RYR3: variants seen among roughly 807,000 people sequenced by gnomAD.
RYR3 encodes the protein brain ryanodine receptor-calcium release channel.
Under a neutral mutation model 584.3 loss-of-function variants are expected in RYR3, and 207 were observed. The ratio of observed to expected loss-of-function variants is 0.35; its 90% confidence interval spans 0.32 to 0.40. The LOEUF is 0.40. Among genes scored for constraint, RYR3 ranks in the 10% least tolerant of loss-of-function variants. RYR3 has a pLI of 1.00. For synonymous variants in RYR3, 2,416 were observed against 2,248.5 expected (o/e 1.07, Z -2.11); for missense variants, 5,616 against 6,089.2 (o/e 0.92, Z 2.59).
intron 1 of RYR3, among the ~76,000 whole-genome samples, chr15:33,362,912 T>A (rs964780049): frequency 6.6e-6 from 1 of 152,190 alleles, no homozygotes; most frequent in African/African-American, 2.4e-5. Context: ...TTATAACACC[T>A]GACACGTTGT....
intron 45 of RYR3, among the ~76,000 whole-genome samples, chr15:33,725,650 C>T (rs1437222864): frequency 1.3e-5 from 2 of 151,938 alleles, no homozygotes; most frequent in Non-Finnish European, 2.9e-5. Flanking sequence ...AATTCATAAG[C>T]CATTTCTATG....
intron 38 of RYR3, among the ~76,000 whole-genome samples, chr15:33,693,506 G>A (rs1025619489): frequency 6.6e-6 from 1 of 152,266 alleles, no homozygotes; most frequent in African/African-American, 2.4e-5. Context: ...AATTAAGGAG[G>A]AAAGGGAAAT....
Position 33,452,024 on chromosome 15 carries a change from G to A in RYR3, c.52-21395G>A, listed in dbSNP as rs77727494. Among the ~76,000 whole-genome samples the A allele has an allele frequency of 3.4e-3, 513 of 152,298 alleles. 2 individuals are homozygous for A. Among genetic ancestry groups the A allele is most frequent in the African/African-American group, 0.012 (495 of 41,548 alleles). ...GGCACTGAAGTCTGGTTGAAGGCCC[G>A]GAAAGGGCCTCCATGCTCCAACAAC... On this transcript the variant is annotated intron_variant, in intron 1 of 103. Coordinates refer to ENST00000634891, the MANE Select transcript of RYR3 (RefSeq NM_001036.6).
At chr15:33,628,606 G>T (rs1198582565) in intron 21 of RYR3, 31 bp downstream of exon 21, 1 of 1,386,268 alleles carries the variant, frequency 7.2e-7, no homozygotes, top group Admixed American at 1.7e-5. Context: ...TTAGGGTGGA[G>T]GGTGGGATTG....
intron 51 of RYR3, 143 bp downstream of exon 51, chr15:33,740,138 C>A: frequency 1.4e-6 from 1 of 695,538 alleles, no homozygotes; most frequent in Non-Finnish European, 2.4e-6. Flanking sequence ...TGTCAAGTCC[C>A]ATCAGGCACA....
intron 1 of RYR3, among the ~76,000 whole-genome samples, chr15:33,428,620 A>T (rs1284919227): frequency 2.0e-5 from 3 of 152,176 alleles, no homozygotes; most frequent in Non-Finnish European, 2.9e-5. Flanking sequence ...CTCCAAGAGG[A>T]AGATGAGCAA....
chr15:33,577,218 A>G (rs554984970), intron 12 of RYR3, among the ~76,000 whole-genome samples: 59 of 152,334 alleles, frequency 3.9e-4, no homozygotes, highest in Middle Eastern at 3.4e-3. Context: ...ATTCAATGCT[A>G]TTCCCATTAA....
intron 1 of RYR3, among the ~76,000 whole-genome samples, chr15:33,372,566 C>T (rs1182389521): frequency 1.3e-5 from 2 of 151,974 alleles, no homozygotes; most frequent in Admixed American, 6.5e-5. Flanking sequence ...GAGGATTCAC[C>T]GTGTTAGCCA....
chr15:33,826,674 G>C lies in RYR3; in HGVS notation c.11167G>C (p.Glu3723Gln). 6.2e-7 allele frequency: 1 copy of C among 1,613,688 alleles called. No homozygotes were observed. The highest frequency in any genetic ancestry group is 1.1e-5 in the South Asian group (1 of 91,074). Residue 3723 changes from glutamate (E) to glutamine (Q), a missense_variant and splice_region_variant, in exon 84 of 104, where the codon GAA (glutamate) becomes CAA (glutamine). This residue lies in a region of RYR3 where 954 missense variants were observed against 1,132.2 expected (regional missense o/e 0.84). Coordinates refer to ENST00000634891, the MANE Select transcript of RYR3 (RefSeq NM_001036.6). Reference sequence around the variant, plus strand: ...CATCAACGTTCTGTGTTTTCAAGGTGAAAAAGTACTCCAGAATGACGAGTT... The same window carrying C: ...CATCAACGTTCTGTGTTTTCAAGGTCAAAAAGTACTCCAGAATGACGAGTT... ...EGTLIVRERG[E>Q]KVLQNDEFTR... is the part of the protein sequence containing the mutation.
intron 31 of RYR3, among the ~76,000 whole-genome samples, chr15:33,650,922 T>G (rs2062428461): frequency 6.6e-6 from 1 of 152,244 alleles, no homozygotes; most frequent in African/African-American, 2.4e-5. Context: ...ATAAGCAACA[T>G]CTGGTTTAGA....
chr15:33,748,294 C>G, intron 54 of RYR3, 34 bp downstream of exon 54: 1 of 1,607,400 alleles, frequency 6.2e-7, no homozygotes, highest in South Asian at 1.1e-5. Context: ...CACGCTGGGC[C>G]GATGGAAGCC....
At chr15:33,450,355 G>A (rs1449338961) in intron 1 of RYR3, among the ~76,000 whole-genome samples, 1 of 152,154 alleles carries the variant, frequency 6.6e-6, no homozygotes, top group Non-Finnish European at 1.5e-5. Context: ...TCTAAGGCTA[G>A]AAGGCAGAGA....
intron 38 of RYR3, among the ~76,000 whole-genome samples, chr15:33,682,811 C>G (rs971789625): frequency 6.6e-6 from 1 of 152,162 alleles, no homozygotes; most frequent in Non-Finnish European, 1.5e-5. Context: ...CCTAGAGATG[C>G]AACAAGGTCT....
intron 67 of RYR3, among the ~76,000 whole-genome samples, chr15:33,794,305 ATTTT>A (rs1567185370): frequency 3.0e-5 from 3 of 100,316 alleles, no homozygotes; most frequent in East Asian, 4.6e-4. Context: ...TTATATATAT[ATTTT>A]TATATATATA....
intron 6 of RYR3, among the ~76,000 whole-genome samples, chr15:33,539,800 A>G (rs1047640537): frequency 6.6e-6 from 1 of 152,188 alleles, no homozygotes; most frequent in African/African-American, 2.4e-5. Context: ...GACAGAAAAA[A>G]TGTTAAGGAA....
intron 57 of RYR3, among the ~76,000 whole-genome samples, chr15:33,751,504 C>T (rs182918693): frequency 0.034 from 5,230 of 151,768 alleles, 281 homozygotes; most frequent in African/African-American, 0.12. Context: ...AGCTTTTTTT[C>T]GTATGCCAGT....
At position 33,673,437 on chromosome 15, in the gene RYR3, G is replaced by A. The variant is rs538509653; in HGVS notation, c.5860+2881G>A. Reference sequence around the variant, plus strand: ...GCCTAAATTAACTCCAAGCCATATTGTTAATGAAAGCTGTTACAATATTAT... The same window carrying A: ...GCCTAAATTAACTCCAAGCCATATTATTAATGAAAGCTGTTACAATATTAT... On this transcript the variant is annotated intron_variant, in intron 38 of 103. Transcript: ENST00000634891. Among the ~76,000 whole-genome samples, 3 of 152,320 alleles carry A rather than the reference G, an allele frequency of 2.0e-5. No individual in the cohort carries two copies. The East Asian group carries it at 5.8e-4, about 29-fold the overall frequency.
At position 33,865,304 on chromosome 15, in the gene RYR3, C is replaced by CATATCTGAAAT; in HGVS notation, c.*79_*89dup. On this transcript the variant is annotated 3_prime_UTR_variant, in exon 104 of 104. Transcript: ENST00000634891. ...AAGTCCCCTTTTTACAGTTCTGCAA[C>CATATCTGAAAT]ATATCTGAAATGTGACATTTTCTAA... 1 of 955,238 alleles carries CATATCTGAAAT rather than the reference C, an allele frequency of 1.0e-6. No individual in the cohort carries two copies. 59.2% of individuals were successfully genotyped at this position (955,238 alleles called of 1,614,324 possible). A position where few individuals can be genotyped will look rare whatever the true frequency, so the allele number is the denominator to read the frequency against.
intron 1 of RYR3, among the ~76,000 whole-genome samples, chr15:33,465,571 T>C (rs1319251659): frequency 6.6e-6 from 1 of 152,104 alleles, no homozygotes; most frequent in Non-Finnish European, 1.5e-5. Context: ...CATAGTAAGA[T>C]AAGAATTCTG....
Sources: gnomAD v4.1 joint callset for allele counts (sites outside exome capture counted in the v4.1 genomes callset) on GRCh38, gnomAD v4.1.1 for gene constraint, gnomAD v4.1.1 regional missense constraint, MANE v1.5 for transcripts, NCBI Gene and HGNC (gene_info 2026-07-23, HGNC 2026-07-21) for gene names.